Variants in FAM83F observed in about 807,000 individuals in gnomAD.
FAM83F encodes the protein protein FAM83F.
A neutral mutation model predicts 42.9 loss-of-function variants in FAM83F; 45 were observed. The ratio of observed to expected loss-of-function variants is 1.05; its 90% CI spans 0.83 to 1.35. FAM83F has a LOEUF of 1.35. Ranked by LOEUF, FAM83F falls within the 40% of genes most tolerant of loss-of-function variation. The pLI is 0.00. For missense variants in FAM83F, 617 were observed against 695.9 expected (o/e 0.89, Z 1.28); for synonymous variants, 306 against 298.3 (o/e 1.03, Z -0.27).
In FAM83F at chr22:40,007,601, CTCCTCTCTTCTCCTCT is replaced by C. The variant is rs1406599065; in HGVS notation, c.490-11566_490-11551del. Among the ~76,000 whole-genome samples, 3 of 65,064 alleles carry C rather than the reference CTCCTCTCTTCTCCTCT, an allele frequency of 4.6e-5. 1 individual carries two copies. The allele number at this position is 65,064 out of a possible 152,430, so 42.7% of individuals were successfully genotyped here. On this transcript the variant is annotated intron_variant, in intron 1 of 4. Coordinates refer to ENST00000333407, the MANE Select transcript of FAM83F (RefSeq NM_138435.4). ...CCTCTCCTCCTCCTCTCTTCTCCTC[CTCCTCTCTTCTCCTCT>C]CTTCCTCCTCTCCTCTCCTCTCCTC...
At chr22:40,014,274 A>G (rs577718843) in intron 1 of FAM83F, among the ~76,000 whole-genome samples, 2 of 151,790 alleles carry the variant, frequency 1.3e-5, no homozygotes, top group Non-Finnish European at 2.9e-5. Flanking sequence ...AAAATGTTTC[A>G]TGTGGGTTTT....
At position 40,039,033 on chromosome 22, in the gene FAM83F, G is replaced by A. The variant is rs2067640095; in HGVS notation, c.*9468G>A. On this transcript the variant is annotated 3_prime_UTR_variant, in exon 5 of 5. Coordinates refer to ENST00000333407, the MANE Select transcript of FAM83F (RefSeq NM_138435.4). ...TGGAGCAGAGGCTGGTACTAGAGCT[G>A]GCTTCATGGGCATGAAACCTGTGAA... is the stretch of plus-strand genomic sequence containing the variant. The A allele has an allele frequency of 1.3e-5, 2 of 152,194 alleles. No individual in the cohort carries two copies. The highest frequency in any genetic ancestry group is 6.5e-5 in the Admixed American group (1 of 15,276). The allele number at this position is 152,194 out of a possible 1,614,324, so 9.4% of individuals were successfully genotyped here. A position where few individuals can be genotyped will look rare whatever the true frequency, so the allele number is the denominator to read the frequency against.
chr22:40,011,191 T>C (rs2067461425), intron 1 of FAM83F, among the ~76,000 whole-genome samples: 1 of 152,158 alleles, frequency 6.6e-6, no homozygotes, highest in Non-Finnish European at 1.5e-5. Flanking sequence ...GTGTGCTTTT[T>C]TGTTTTGTTT....
chr22:40,019,467 C>T (rs2067508318), intron 2 of FAM83F, 132 bp downstream of exon 2: 2 of 793,174 alleles, frequency 2.5e-6, no homozygotes, highest in Non-Finnish European at 2.0e-6. Context: ...AACACCTTTC[C>T]TTTTGTTGAA....
At chr22:40,026,193 A>T (rs2067551325) in intron 4 of FAM83F, among the ~76,000 whole-genome samples, 1 of 152,118 alleles carries the variant, frequency 6.6e-6, no homozygotes, top group East Asian at 1.9e-4. Context: ...CCATCTCCAG[A>T]AGGCTAGGAT....
chr22:40,028,778 C>G (rs1296438597), intron 4 of FAM83F, among the ~76,000 whole-genome samples: 1 of 152,218 alleles, frequency 6.6e-6, no homozygotes, highest in East Asian at 1.9e-4. Flanking sequence ...TCTGTCCTCC[C>G]TTCAAAGGCG....
chr22:40,022,840 T>A (rs1601771678), intron 4 of FAM83F, among the ~76,000 whole-genome samples: 1 of 151,976 alleles, frequency 6.6e-6, no homozygotes. Context: ...GGGCCTGAGG[T>A]CTTGTGTGCC....
intron 1 of FAM83F, among the ~76,000 whole-genome samples, chr22:40,016,068 G>A (rs1405477642): frequency 6.6e-6 from 1 of 152,186 alleles, no homozygotes; most frequent in Non-Finnish European, 1.5e-5. Context: ...GTTTCCTTGG[G>A]GAGGTTCAAG....
At chr22:40,025,227 C>T (rs568722475) in intron 4 of FAM83F, among the ~76,000 whole-genome samples, 8 of 152,146 alleles carry the variant, frequency 5.3e-5, no homozygotes, top group Admixed American at 5.2e-4. Context: ...CCAGACTAGC[C>T]TGGGCAACAT....
At chr22:40,029,419 A>C in intron 4 of FAM83F, 97 bp from the exon 5 acceptor site, 1 of 1,475,976 alleles carries the variant, frequency 6.8e-7, no homozygotes, top group South Asian at 1.3e-5. Flanking sequence ...CAGCCCCTCA[A>C]CTGGAGATGT....
rs535245201 is a variant in FAM83F at position 40,004,920 on chromosome 22, A to C, written c.489+9389A>C. On this transcript the variant is annotated intron_variant, in intron 1 of 4. Coordinates refer to ENST00000333407, the MANE Select transcript of FAM83F (RefSeq NM_138435.4). ...CCAGGTGAACAGCAGCTTCCTGGGAATTGATGGCTGAATCAGCCAGTTGTG... is the reference window on the plus strand; with the variant it reads ...CCAGGTGAACAGCAGCTTCCTGGGACTTGATGGCTGAATCAGCCAGTTGTG... 2.0e-5 allele frequency among the ~76,000 whole-genome samples: 3 copies of C among 152,332 alleles called. No individual in the cohort carries two copies. The East Asian group carries it at 5.8e-4, about 29-fold the overall frequency.
At chr22:40,028,544 C>T (rs939841936) in intron 4 of FAM83F, among the ~76,000 whole-genome samples, 20 of 152,094 alleles carry the variant, frequency 1.3e-4, no homozygotes, top group South Asian at 2.1e-4. Context: ...CCTGACACCT[C>T]GCAGGCCTGC....
At chr22:40,005,173 T>A (rs774949233) in intron 1 of FAM83F, among the ~76,000 whole-genome samples, 3 of 152,232 alleles carry the variant, frequency 2.0e-5, no homozygotes, top group Admixed American at 6.5e-5. Flanking sequence ...CCATTTGTCT[T>A]ACCCTGATAG....
intron 1 of FAM83F, among the ~76,000 whole-genome samples, chr22:40,009,053 G>A (rs1199731853): frequency 1.3e-5 from 2 of 152,140 alleles, no homozygotes; most frequent in Admixed American, 1.3e-4. Flanking sequence ...CCCCCCATTT[G>A]CCTTATAACG....
In FAM83F at chr22:40,016,748, C is replaced by G. The variant is rs368453701; in HGVS notation, c.490-2420C>G. On this transcript the variant is annotated intron_variant, in intron 1 of 4. Transcript: ENST00000333407. ...GCACAATCTTGGCTCACTGCAACTT[C>G]CGCCTTCCTGGCTCAAGCAATTCTC... is the stretch of plus-strand genomic sequence containing the variant. Among the ~76,000 whole-genome samples, 5 of 152,072 alleles carry G rather than the reference C, an allele frequency of 3.3e-5. No individual in the cohort carries two copies. In the South Asian group the frequency reaches 8.3e-4, roughly 25 times the overall value.
Position 40,023,707 on chromosome 22 carries a change from C to T in FAM83F, c.1453+1744C>T, listed in dbSNP as rs923809903. Among the ~76,000 whole-genome samples, 1 of 152,150 alleles carries T rather than the reference C, an allele frequency of 6.6e-6. No homozygotes were observed. Among genetic ancestry groups the T allele is most frequent in the East Asian group, 1.9e-4 (1 of 5,196 alleles). ...GCTCTCTGGTGTCTGCACATGGTGCCCAGGAGCCAGCCTTGCAGACACAGA... is the reference window on the plus strand; with the variant it reads ...GCTCTCTGGTGTCTGCACATGGTGCTCAGGAGCCAGCCTTGCAGACACAGA... On this transcript the variant is annotated intron_variant, in intron 4 of 4. Coordinates refer to ENST00000333407, the MANE Select transcript of FAM83F (RefSeq NM_138435.4). The surrounding 1 kb of genome is among the most constrained non-coding windows in gnomAD (Gnocchi z 4.1).
rs569679059 is a variant in FAM83F, at chr22:40,041,405, G to T, written c.*11840G>T. The T allele has an allele frequency of 6.6e-6, 1 of 152,324 alleles. No homozygotes were observed. The highest frequency in any genetic ancestry group is 1.9e-4 in the East Asian group (1 of 5,184). 9.4% of individuals were successfully genotyped at this position (152,324 alleles called of 1,614,324 possible). On this transcript the variant is annotated 3_prime_UTR_variant, in exon 5 of 5. Coordinates refer to ENST00000333407, the MANE Select transcript of FAM83F (RefSeq NM_138435.4). ...CTCTGACCTGGGCTGCCTTTTCAGGGTATGAGTTGATTCCGCAGGCACCAA... is the reference window on the plus strand; with the variant it reads ...CTCTGACCTGGGCTGCCTTTTCAGGTTATGAGTTGATTCCGCAGGCACCAA...
chr22:40,013,897 CT>C (rs1253203643), intron 1 of FAM83F, among the ~76,000 whole-genome samples: 2 of 151,720 alleles, frequency 1.3e-5, no homozygotes, highest in Non-Finnish European at 2.9e-5. Context: ...ATCTTATTTT[CT>C]TTCTTTCATT....
At chr22:40,016,922 C>T (rs2067495340) in intron 1 of FAM83F, among the ~76,000 whole-genome samples, 1 of 152,156 alleles carries the variant, frequency 6.6e-6, no homozygotes. Context: ...CCTCAGCCTC[C>T]CAAAGTGCTG....
Sources: allele counts gnomAD v4.1 joint callset (sites outside exome capture counted in the v4.1 genomes callset), GRCh38; gene constraint gnomAD v4.1.1; non-coding constraint Gnocchi (gnomAD v3.1); transcripts MANE v1.5; gene names NCBI Gene and HGNC (gene_info 2026-07-23, HGNC 2026-07-21).